The following STPG2 variants were observed in gnomAD, a reference collection of about 807,000 sequenced individuals.
The protein encoded by STPG2 is sperm-tail PG-rich repeat-containing protein 2.
In STPG2, 56 loss-of-function variants were observed where a neutral mutation model predicts 54.2. The ratio of observed to expected loss-of-function variants is 1.03; its 90% CI spans 0.83 to 1.29. The LOEUF (loss-of-function observed/expected upper bound fraction) is 1.29, where lower values mean the gene tolerates loss of function less well. STPG2 is among the 50% of genes most tolerant of loss of function. STPG2 has a pLI of 0.00. For synonymous variants in STPG2, 200 were observed against 181.8 expected (o/e 1.10, Z -0.81); for missense variants, 596 against 544.9 (o/e 1.09, Z -0.93).
intron 7 of STPG2, among the ~76,000 whole-genome samples, chr4:97,946,300 T>C (rs1182818129): frequency 1.3e-5 from 2 of 152,206 alleles, no homozygotes; most frequent in African/African-American, 4.8e-5. Flanking sequence ...TATTAGTCCT[T>C]TGCCCAATGC....
chr4:97,903,017 G>A (rs1158498069), intron 8 of STPG2, among the ~76,000 whole-genome samples: 1 of 152,078 alleles, frequency 6.6e-6, no homozygotes, highest in Non-Finnish European at 1.5e-5. Flanking sequence ...GTCTTAAAAA[G>A]TCAAACTCAT....
At chr4:98,019,701 G>A (rs1266135125) in intron 5 of STPG2, among the ~76,000 whole-genome samples, 2 of 132,034 alleles carry the variant, frequency 1.5e-5, no homozygotes, top group Non-Finnish European at 3.3e-5. Flanking sequence ...ATTGAGCAGT[G>A]GTTTGTAGTT....
chr4:97,896,413 C>G (rs1353596549), intron 8 of STPG2, among the ~76,000 whole-genome samples: 1 of 151,476 alleles, frequency 6.6e-6, no homozygotes, highest in Non-Finnish European at 1.5e-5. Context: ...AGAGAAAAAC[C>G]CCAAGTAAAC....
chr4:97,739,070 C>T (rs1457650562), intron 9 of STPG2, among the ~76,000 whole-genome samples: 13 of 151,972 alleles, frequency 8.6e-5, no homozygotes, highest in African/African-American at 1.4e-4. Flanking sequence ...CACTCAAAAC[C>T]GCTCAACTAC....
At chr4:97,509,854 A>C (rs1730934243) in intron 4 of STPG2, among the ~76,000 whole-genome samples, 1 of 152,066 alleles carries the variant, frequency 6.6e-6, no homozygotes, top group Non-Finnish European at 1.5e-5. Context: ...TATTAGAATT[A>C]ATTTTCAAAA....
At chr4:97,898,043 C>A (rs1731028444) in intron 8 of STPG2, among the ~76,000 whole-genome samples, 1 of 152,080 alleles carries the variant, frequency 6.6e-6, no homozygotes, top group African/African-American at 2.4e-5. Flanking sequence ...TTGGGTTTTA[C>A]ATTTAAGTCT....
intron 4 of STPG2, among the ~76,000 whole-genome samples, chr4:97,552,396 G>A (rs984814431): frequency 5.9e-5 from 9 of 152,062 alleles, no homozygotes; most frequent in Non-Finnish European, 1.0e-4. Flanking sequence ...GATGGGTCTA[G>A]AAATTTATGG....
chr4:98,087,144 A>G (rs1480774363), intron 5 of STPG2, among the ~76,000 whole-genome samples: 1 of 152,198 alleles, frequency 6.6e-6, no homozygotes, highest in Non-Finnish European at 1.5e-5. Flanking sequence ...TGGGCTGGAT[A>G]TATTATTATC....
chr4:97,683,601 A>T (rs1319402225), intron 10 of STPG2, among the ~76,000 whole-genome samples: 1 of 151,788 alleles, frequency 6.6e-6, no homozygotes, highest in Non-Finnish European at 1.5e-5. Flanking sequence ...GAAAACTAGG[A>T]ATAAATGGGA....
Position 97,724,459 on chromosome 4 carries a change from C to A in STPG2, c.1205-11645G>T, listed in dbSNP as rs550668347. ...ATGAAATTGTTTTTTCTTATTTAAT[C>A]CTAGGAACGTTATTTTTACGGTGAG... On this transcript the variant is annotated intron_variant, in intron 9 of 10. Coordinates refer to ENST00000295268, the MANE Select transcript of STPG2 (RefSeq NM_174952.3). 5.2e-4 allele frequency among the ~76,000 whole-genome samples: 79 copies of A among 152,090 alleles called. 1 individual carries two copies. Among genetic ancestry groups the A allele is most frequent in the African/African-American group, 1.8e-3 (75 of 41,504 alleles).
intron 8 of STPG2, chr4:97,917,541 C>A (rs565749889): frequency 1.3e-5 from 2 of 151,980 alleles, no homozygotes; most frequent in East Asian, 1.9e-4. Flanking sequence ...TAATTTACCC[C>A]TGGCTAAAAA....
At position 97,472,914 on chromosome 4, in the gene STPG2, A is replaced by G. The variant is rs552977892; in HGVS notation, c.462+239785T>C. 2.0e-5 allele frequency among the ~76,000 whole-genome samples: 3 copies of G among 152,366 alleles called. No homozygotes were observed. The East Asian group carries it at 5.8e-4, about 29-fold the overall frequency. On this transcript the variant is annotated intron_variant, in intron 4 of 4. Coordinates refer to the STPG2 transcript ENST00000522676. ...GTGAAAGATTTCATGGACATTTATT[A>G]GTTCTCCAAATTAATACTTTTATAA...
At chr4:98,043,032 A>G (rs1055212021) in intron 5 of STPG2, among the ~76,000 whole-genome samples, 3 of 152,062 alleles carry the variant, frequency 2.0e-5, no homozygotes, top group African/African-American at 7.2e-5. Flanking sequence ...GGGTGCATAT[A>G]TTACAATGGT....
intron 2 of STPG2, among the ~76,000 whole-genome samples, chr4:98,129,027 C>A (rs991520624): frequency 1.3e-5 from 2 of 152,094 alleles, no homozygotes; most frequent in Non-Finnish European, 2.9e-5. Context: ...AGCCACTGTG[C>A]CTGGCCAAAA....
chr4:98,076,394 C>T (rs1481540453), intron 5 of STPG2, among the ~76,000 whole-genome samples: 2 of 152,122 alleles, frequency 1.3e-5, no homozygotes, highest in Non-Finnish European at 2.9e-5. Flanking sequence ...AAACAGCTTG[C>T]TACTTTCTGA....
intron 5 of STPG2, among the ~76,000 whole-genome samples, chr4:98,020,643 G>T (rs937459520): frequency 6.6e-6 from 1 of 152,088 alleles, no homozygotes; most frequent in Non-Finnish European, 1.5e-5. Context: ...GAATCCATCT[G>T]GTCCTGGACT....
intron 9 of STPG2, among the ~76,000 whole-genome samples, chr4:97,728,697 T>A (rs1192322858): frequency 6.6e-6 from 1 of 151,756 alleles, no homozygotes; most frequent in Non-Finnish European, 1.5e-5. Context: ...AAAAAATTCA[T>A]AAGGAGAATG....
intron 4 of STPG2, among the ~76,000 whole-genome samples, chr4:97,455,221 G>C (rs751939525): frequency 3.9e-5 from 6 of 152,136 alleles, no homozygotes; most frequent in Non-Finnish European, 7.4e-5. Flanking sequence ...GAGTGGGGCA[G>C]GGAAGTGCTG....
chr4:97,711,688 GAGA>G (rs1724126815), intron 10 of STPG2, among the ~76,000 whole-genome samples: 1 of 68,680 alleles, frequency 1.5e-5, no homozygotes, highest in Non-Finnish European at 2.9e-5. Context: ...TTTTTTTTTT[GAGA>G]AGGAGTCTCG....
Sources: gnomAD v4.1 joint callset for allele counts (sites outside exome capture counted in the v4.1 genomes callset) on GRCh38, gnomAD v4.1.1 for gene constraint, MANE v1.5 for transcripts, NCBI Gene and HGNC (gene_info 2026-07-23, HGNC 2026-07-21) for gene names.